The following RNF220 variants were observed in gnomAD, a reference collection of about 807,000 sequenced individuals.
The protein encoded by RNF220 is ring finger protein 220, also known as E3 ubiquitin-protein ligase RNF220.
A neutral mutation model predicts 67.1 loss-of-function variants in RNF220; 7 were observed. The ratio of observed to expected loss-of-function variants is 0.10; its 90% CI spans 0.06 to 0.20. The LOEUF (loss-of-function observed/expected upper bound fraction) is 0.20, where lower values mean the gene tolerates loss of function less well. Ranked by LOEUF, RNF220 falls within the 10% of genes least tolerant of loss-of-function variation. The pLI is 1.00. For missense variants in RNF220, 565 were observed against 740.3 expected (o/e 0.76, Z 2.75); for synonymous variants, 270 against 283.2 (o/e 0.95, Z 0.47).
chr1:44,622,079 G>A lies in RNF220; in HGVS notation c.759-663G>A, dbSNP rs1178271907. On this transcript the variant is annotated intron_variant, in intron 3 of 14. Coordinates refer to ENST00000361799, the MANE Select transcript of RNF220 (RefSeq NM_018150.4). This position sits in a 1 kb window ranked among gnomAD's most constrained non-coding sequence, Gnocchi z 4.3. ...GGATTTGTAATACTTTGTGGCTCTG[G>A]ATCACTCATGCTTAGCGCAGGATGT... Among the ~76,000 whole-genome samples the A allele has an allele frequency of 6.6e-6, 1 of 152,124 alleles. No individual in the cohort carries two copies. Among genetic ancestry groups the A allele is most frequent in the East Asian group, 1.9e-4 (1 of 5,196 alleles).
chr1:44,441,121 A>G (rs955574272), intron 2 of RNF220, among the ~76,000 whole-genome samples: 1 of 152,226 alleles, frequency 6.6e-6, no homozygotes, highest in African/African-American at 2.4e-5. Flanking sequence ...GAAAGAAAGA[A>G]TGCTGATCCC....
chr1:44,469,985 C>T (rs1654658110), intron 2 of RNF220, among the ~76,000 whole-genome samples: 1 of 151,224 alleles, frequency 6.6e-6, no homozygotes, highest in South Asian at 2.1e-4. Context: ...GGGATGAAGG[C>T]GTAAAGGACA....
chr1:44,646,050 C>A (rs555911486), intron 12 of RNF220, among the ~76,000 whole-genome samples: 21 of 152,332 alleles, frequency 1.4e-4, no homozygotes, highest in African/African-American at 4.8e-4. Context: ...CATCTTCCTG[C>A]CTTCCCAGAA....
intron 2 of RNF220, among the ~76,000 whole-genome samples, chr1:44,597,472 A>G (rs1327286798): frequency 6.0e-4 from 5 of 8,352 alleles, no homozygotes; most frequent in Middle Eastern, 0.071. Flanking sequence ...TCTCATGCAC[A>G]CACACACACA....
intron 2 of RNF220, among the ~76,000 whole-genome samples, chr1:44,460,862 C>G (rs1653696930): frequency 6.8e-6 from 1 of 146,736 alleles, no homozygotes; most frequent in African/African-American, 2.5e-5. Context: ...ATTCTGAACC[C>G]TAGGAGAACC....
chr1:44,496,711 G>C (rs574821071), intron 2 of RNF220, among the ~76,000 whole-genome samples: 2 of 152,274 alleles, frequency 1.3e-5, no homozygotes, highest in African/African-American at 2.4e-5. Context: ...ATGTGGTGTG[G>C]GCTGATGGCC....
Position 44,412,412 on chromosome 1 carries a change from T to G in RNF220, c.315T>G (p.Asp105Glu). The G allele has an allele frequency of 1.2e-6, 2 of 1,613,354 alleles. No individual in the cohort carries two copies. Among genetic ancestry groups the G allele is most frequent in the Non-Finnish European group, 1.7e-6 (2 of 1,179,420 alleles). Residue 105 changes from aspartate to glutamate, a missense_variant, in exon 2 of 15, where the codon GAT becomes GAG. Coordinates refer to ENST00000361799, the MANE Select transcript of RNF220 (RefSeq NM_018150.4). This position sits in a 1 kb window ranked among gnomAD's most constrained non-coding sequence, Gnocchi z 5.3. ...CTCAATTTGCTCCCCCAAATCTAGATTGCACCCCAATCAGTATGCTGAATC... is the reference window on the plus strand; with the variant it reads ...CTCAATTTGCTCCCCCAAATCTAGAGTGCACCCCAATCAGTATGCTGAATC... ...LHPQFAPPNLDCTPISMLNHS... is the reference protein window; with the variant it reads ...LHPQFAPPNLECTPISMLNHS...
intron 2 of RNF220, among the ~76,000 whole-genome samples, chr1:44,459,900 A>C (rs928890895): frequency 2.6e-5 from 4 of 152,304 alleles, no homozygotes; most frequent in Admixed American, 1.3e-4. Flanking sequence ...ACCAAGACCG[A>C]AACAGTCAGG....
intron 2 of RNF220, among the ~76,000 whole-genome samples, chr1:44,503,894 G>A (rs1293181558): frequency 6.6e-6 from 1 of 152,078 alleles, no homozygotes; most frequent in African/African-American, 2.4e-5. Context: ...CTGTTGGCCA[G>A]GCTGGGGTGC....
chr1:44,471,326 T>A (rs1339868026), intron 2 of RNF220, among the ~76,000 whole-genome samples: 1 of 152,096 alleles, frequency 6.6e-6, no homozygotes. Flanking sequence ...CTCAGGAGGC[T>A]GAGGCGGGAG....
chr1:44,469,991 G>A (rs1264110749), intron 2 of RNF220, among the ~76,000 whole-genome samples: 2 of 150,236 alleles, frequency 1.3e-5, no homozygotes, highest in Non-Finnish European at 1.5e-5. Context: ...AAGGCGTAAA[G>A]GACACACATC....
intron 2 of RNF220, among the ~76,000 whole-genome samples, chr1:44,485,060 C>G (rs976730607): frequency 6.6e-6 from 1 of 152,114 alleles, no homozygotes; most frequent in East Asian, 1.9e-4. Context: ...CACTTGAACC[C>G]GGGAGGCGGA....
chr1:44,539,495 CGT>C (rs1661513288), intron 2 of RNF220, among the ~76,000 whole-genome samples: 1 of 152,184 alleles, frequency 6.6e-6, no homozygotes, highest in Non-Finnish European at 1.5e-5. Flanking sequence ...CAAGGATTCA[CGT>C]AGCCTGGAGC....
At chr1:44,513,980 C>T (rs1338521417) in intron 2 of RNF220, among the ~76,000 whole-genome samples, 1 of 152,240 alleles carries the variant, frequency 6.6e-6, no homozygotes, top group Non-Finnish European at 1.5e-5. Flanking sequence ...AAGAACCATT[C>T]GAGTAATAGA....
At chr1:44,485,101 A>C (rs1656170564) in intron 2 of RNF220, among the ~76,000 whole-genome samples, 2 of 152,198 alleles carry the variant, frequency 1.3e-5, no homozygotes, top group Non-Finnish European at 2.9e-5. Flanking sequence ...GTGCCACTGC[A>C]CTCTAGCCTG....
At chr1:44,413,265 C>T (rs1451423326) in intron 2 of RNF220, among the ~76,000 whole-genome samples, 1 of 152,178 alleles carries the variant, frequency 6.6e-6, no homozygotes, top group Non-Finnish European at 1.5e-5. Flanking sequence ...CACCATAAAG[C>T]ATTTCACACA....
intron 2 of RNF220, among the ~76,000 whole-genome samples, chr1:44,454,190 A>G (rs1652950401): frequency 6.6e-6 from 1 of 152,214 alleles, no homozygotes; most frequent in African/African-American, 2.4e-5. Context: ...CCTATGTACT[A>G]AAATAAGTAA....
intron 2 of RNF220, among the ~76,000 whole-genome samples, chr1:44,595,058 G>A (rs773185123): frequency 2.0e-5 from 3 of 152,158 alleles, no homozygotes; most frequent in Admixed American, 6.5e-5. Flanking sequence ...CCACAGACCC[G>A]CAGCACTGGT....
intron 2 of RNF220, among the ~76,000 whole-genome samples, chr1:44,450,268 G>A (rs1288416476): frequency 1.3e-5 from 2 of 151,948 alleles, no homozygotes; most frequent in East Asian, 1.9e-4. Context: ...GTGCCCTTGC[G>A]AAGCCTGCAT....
Sources: allele counts gnomAD v4.1 joint callset (sites outside exome capture counted in the v4.1 genomes callset), GRCh38; gene constraint gnomAD v4.1.1; non-coding constraint Gnocchi (gnomAD v3.1); transcripts MANE v1.5; gene names NCBI Gene and HGNC (gene_info 2026-07-23, HGNC 2026-07-21).